Variants in SNTG1 observed in about 807,000 individuals in gnomAD.
SNTG1 encodes gamma-1-syntrophin.
Under a neutral mutation model 74.7 loss-of-function variants are expected in SNTG1, and 39 were observed. That is an observed-to-expected ratio of 0.52 (90% CI 0.40 to 0.68). The LOEUF (loss-of-function observed/expected upper bound fraction) is 0.68, where lower values mean the gene tolerates loss of function less well. SNTG1 is among the 30% of genes least tolerant of loss of function. The probability of loss-of-function intolerance (pLI) is 0.00; values close to 1 mark genes in which losing one functional copy is unlikely to be tolerated. For missense variants in SNTG1, 685 were observed against 609.5 expected (o/e 1.12, Z -1.30); for synonymous variants, 254 against 217.1 (o/e 1.17, Z -1.49).
chr8:50,243,622 G>A (rs2086261526), intron 2 of SNTG1, among the ~76,000 whole-genome samples: 1 of 152,040 alleles, frequency 6.6e-6, no homozygotes, highest in Non-Finnish European at 1.5e-5. Flanking sequence ...CACTTTTTGG[G>A]CCTACTGTAA....
chr8:50,058,760 G>A (rs1820234836), intron 1 of SNTG1, among the ~76,000 whole-genome samples: 1 of 151,572 alleles, frequency 6.6e-6, no homozygotes, highest in Non-Finnish European at 1.5e-5. Flanking sequence ...GTGTGTGTGT[G>A]TGTATGTGTG....
intron 11 of SNTG1, among the ~76,000 whole-genome samples, chr8:50,541,802 C>A (rs749080589): frequency 1.3e-5 from 2 of 151,858 alleles, no homozygotes; most frequent in Non-Finnish European, 2.9e-5. Flanking sequence ...CAATCAACTT[C>A]TCTTCATTCT....
At chr8:50,621,893 G>A (rs1440069184) in intron 13 of SNTG1, among the ~76,000 whole-genome samples, 1 of 152,154 alleles carries the variant, frequency 6.6e-6, no homozygotes, top group Non-Finnish European at 1.5e-5. Context: ...ACTAAATGAA[G>A]AGTCATATAT....
At chr8:50,514,913 C>T (rs1227522570) in intron 9 of SNTG1, among the ~76,000 whole-genome samples, 3 of 152,052 alleles carry the variant, frequency 2.0e-5, no homozygotes, top group Admixed American at 1.3e-4. Context: ...CTGTTAGGTG[C>T]CTATATATAT....
chr8:50,355,315 G>A (rs980896431), intron 2 of SNTG1, among the ~76,000 whole-genome samples: 22 of 151,822 alleles, frequency 1.4e-4, no homozygotes, highest in South Asian at 1.0e-3. Context: ...ACCTCCAATC[G>A]AAATGACAGG....
At chr8:50,116,751 T>G (rs1474959015) in intron 1 of SNTG1, among the ~76,000 whole-genome samples, 1 of 152,144 alleles carries the variant, frequency 6.6e-6, no homozygotes, top group Non-Finnish European at 1.5e-5. Flanking sequence ...GCATTTTGCT[T>G]GAGGAGTGCA....
intron 2 of SNTG1, among the ~76,000 whole-genome samples, chr8:50,269,575 A>G (rs1306885527): frequency 1.3e-5 from 2 of 152,182 alleles, no homozygotes; most frequent in African/African-American, 4.8e-5. Context: ...ATGTGCCAGC[A>G]AAATTGCGTT....
chr8:50,131,240 C>T (rs2081307188), intron 1 of SNTG1, among the ~76,000 whole-genome samples: 1 of 152,096 alleles, frequency 6.6e-6, no homozygotes, highest in African/African-American at 2.4e-5. Flanking sequence ...TCACAAAGAA[C>T]TGTTTCAGTA....
intron 1 of SNTG1, among the ~76,000 whole-genome samples, chr8:49,954,000 T>C (rs1809950390): frequency 6.6e-6 from 1 of 152,200 alleles, no homozygotes; most frequent in South Asian, 2.1e-4. Flanking sequence ...TTCCTTTATT[T>C]CTTTAGTGAA....
intron 1 of SNTG1, among the ~76,000 whole-genome samples, chr8:50,128,170 G>T (rs1270977322): frequency 2.0e-5 from 3 of 152,138 alleles, no homozygotes; most frequent in Non-Finnish European, 4.4e-5. Flanking sequence ...TCTGTACAGA[G>T]AAACTACTTG....
intron 1 of SNTG1, among the ~76,000 whole-genome samples, chr8:50,033,995 T>C (rs1326606508): frequency 1.3e-5 from 2 of 152,194 alleles, no homozygotes; most frequent in African/African-American, 2.4e-5. Flanking sequence ...ACTCTTCTGA[T>C]TGTGATACAA....
At position 50,389,811 on chromosome 8, in the gene SNTG1, G is replaced by A. The variant is rs528053260; in HGVS notation, c.-27-4401G>A. ...CAAGATGATATCTCATTGTGGTTTT[G>A]ATTTTCATTTCTCTGATGGCCAGTG... On this transcript the variant is annotated intron_variant, in intron 2 of 18. Coordinates refer to ENST00000642720, the MANE Select transcript of SNTG1 (RefSeq NM_018967.5). Among the ~76,000 whole-genome samples the A allele has an allele frequency of 1.7e-3, 252 of 152,316 alleles. 1 individual carries two copies. In the South Asian group the frequency reaches 0.024, roughly 15 times the overall value.
At chr8:50,427,671 C>T (rs1412165494) in intron 4 of SNTG1, among the ~76,000 whole-genome samples, 2 of 152,164 alleles carry the variant, frequency 1.3e-5, no homozygotes, top group Non-Finnish European at 2.9e-5. Flanking sequence ...ATGCAACCCT[C>T]CCACTCTGGC....
At chr8:49,937,940 T>C (rs1307430028) in intron 1 of SNTG1, among the ~76,000 whole-genome samples, 1 of 152,184 alleles carries the variant, frequency 6.6e-6, no homozygotes, top group Non-Finnish European at 1.5e-5. Context: ...ATTTTTGGCA[T>C]AGTCATTGAC....
chr8:49,997,522 C>T lies in SNTG1; in HGVS notation c.-103+85291C>T, dbSNP rs574081682. Reference sequence around the variant, plus strand: ...TGAATTCCTTCAAGTCCTATTTCTCCCACCTGGATCACTGAAAATTTTTAA... The same window carrying T: ...TGAATTCCTTCAAGTCCTATTTCTCTCACCTGGATCACTGAAAATTTTTAA... On this transcript the variant is annotated intron_variant, in intron 1 of 18. Coordinates refer to ENST00000642720, the MANE Select transcript of SNTG1 (RefSeq NM_018967.5). Among the ~76,000 whole-genome samples, 10 of 152,200 alleles carry T rather than the reference C, an allele frequency of 6.6e-5. No individual in the cohort carries two copies. In the South Asian group the frequency reaches 1.9e-3, roughly 28 times the overall value.
intron 1 of SNTG1, among the ~76,000 whole-genome samples, chr8:50,047,572 G>A (rs564982747): frequency 6.6e-6 from 1 of 152,090 alleles, no homozygotes; most frequent in South Asian, 2.1e-4. Context: ...AATGTTTCAT[G>A]GAACAAATTG....
intron 2 of SNTG1, among the ~76,000 whole-genome samples, chr8:50,251,301 G>A (rs941534507): frequency 4.0e-5 from 6 of 151,812 alleles, no homozygotes; most frequent in South Asian, 2.1e-4. Context: ...GGTAAACAAC[G>A]AGAGAAGGAA....
rs779427420 is a variant in SNTG1 at position 50,796,631 on chromosome 8, A to G, written c.*3802A>G. ...CTTTCAGTTCATTAATGTACTACTA[A>G]TGAAACCATACTTTTTTAAATGAAG... On this transcript the variant is annotated 3_prime_UTR_variant, in exon 19 of 19. Coordinates refer to ENST00000642720, the MANE Select transcript of SNTG1 (RefSeq NM_018967.5). The G allele has an allele frequency of 1.3e-5, 2 of 152,036 alleles. No individual in the cohort carries two copies. The highest frequency in any genetic ancestry group is 2.9e-5 in the Non-Finnish European group (2 of 67,942). 9.4% of individuals were successfully genotyped at this position (152,036 alleles called of 1,614,324 possible). A position where few individuals can be genotyped will look rare whatever the true frequency, so the allele number is the denominator to read the frequency against.
intron 13 of SNTG1, among the ~76,000 whole-genome samples, chr8:50,646,391 T>C (rs1022255392): frequency 3.3e-5 from 5 of 152,166 alleles, no homozygotes; most frequent in Non-Finnish European, 7.3e-5. Context: ...TTCCAATAGG[T>C]TCTCAAATGA....
Sources: allele counts gnomAD v4.1 joint callset (sites outside exome capture counted in the v4.1 genomes callset), GRCh38; gene constraint gnomAD v4.1.1; transcripts MANE v1.5; gene names NCBI Gene and HGNC (gene_info 2026-07-23, HGNC 2026-07-21).